The following KCNQ2 variants were observed in gnomAD, a reference collection of about 807,000 sequenced individuals.
The protein encoded by KCNQ2 is potassium voltage-gated channel subfamily KQT member 2.
A neutral mutation model predicts 84.8 loss-of-function variants in KCNQ2; 14 were observed. The ratio of observed to expected loss-of-function variants is 0.17; its 90% CI spans 0.11 to 0.26. The LOEUF is 0.26. KCNQ2 is among the 10% of genes least tolerant of loss of function. KCNQ2 has a pLI of 1.00. For missense variants in KCNQ2, 788 were observed against 1,254.0 expected (o/e 0.63, Z 5.61); for synonymous variants, 599 against 554.1 (o/e 1.08, Z -1.14).
At chr20:63,423,924 A>C in intron 11 of KCNQ2, 61 of 416,614 alleles carry the variant, frequency 1.5e-4, no homozygotes, top group East Asian at 2.5e-4. Flanking sequence ...CCCACCCCCG[A>C]GAAGCCGCCC....
At chr20:63,429,152 C>A (rs867216246) in intron 9 of KCNQ2, among the ~76,000 whole-genome samples, 3 of 151,890 alleles carry the variant, frequency 2.0e-5, no homozygotes, top group Non-Finnish European at 4.4e-5. Context: ...GTGGGACGTC[C>A]CCCTCTTCAC....
chr20:63,410,310 T>G (rs1052426637), intron 15 of KCNQ2, among the ~76,000 whole-genome samples: 2 of 152,146 alleles, frequency 1.3e-5, no homozygotes, highest in African/African-American at 4.8e-5. Context: ...CTGGAGCTGC[T>G]GCTGGGGGCT....
In KCNQ2 at chr20:63,438,891, TCACA is replaced by T. The variant is rs1333515621; in HGVS notation, c.928-175_928-172del. ...CAGGGTCAGACCACGCCCCAGGGACTCACACACCCCCCAGTTCATCAGGGTCAGA... is the reference window on the plus strand; with the variant it reads ...CAGGGTCAGACCACGCCCCAGGGACTCACCCCCCAGTTCATCAGGGTCAGA... On this transcript the variant is annotated intron_variant, in intron 6 of 16. Transcript: ENST00000359125. This position sits in a 1 kb window ranked among gnomAD's most constrained non-coding sequence, Gnocchi z 5.1. Among the ~76,000 whole-genome samples, 2 of 135,846 alleles carry T rather than the reference TCACA, an allele frequency of 1.5e-5. No homozygotes were observed. Among genetic ancestry groups the T allele is most frequent in the African/African-American group, 5.6e-5 (2 of 35,910 alleles). The allele number at this position is 135,846 out of a possible 152,430, so 89.1% of individuals were successfully genotyped here.
chr20:63,455,116 C>T (rs1333321799), intron 1 of KCNQ2, among the ~76,000 whole-genome samples: 8 of 152,036 alleles, frequency 5.3e-5, no homozygotes, highest in East Asian at 3.8e-4. Flanking sequence ...GGGAGGACGG[C>T]GGGAAGACGA....
chr20:63,420,054 G>C (rs1002727694), intron 11 of KCNQ2, among the ~76,000 whole-genome samples: 1 of 152,248 alleles, frequency 6.6e-6, no homozygotes, highest in Admixed American at 6.5e-5. Flanking sequence ...GGGAAAGGGC[G>C]TGGGTGTGAA....
In KCNQ2 at chr20:63,460,261, C is replaced by T. The variant is rs915977182; in HGVS notation, c.296+11907G>A. ...CCTTAGCAGCTTTGGGGAGCAAAGG[C>T]TTCATGAGGTCCCAGGGGAGCTGGG... On this transcript the variant is annotated intron_variant, in intron 1 of 16. Coordinates refer to ENST00000359125, the MANE Select transcript of KCNQ2 (RefSeq NM_172107.4). This position sits in a 1 kb window ranked among gnomAD's most constrained non-coding sequence, Gnocchi z 5.4. Among the ~76,000 whole-genome samples the T allele has an allele frequency of 3.9e-5, 6 of 152,156 alleles. No homozygotes were observed. The highest frequency in any genetic ancestry group is 1.3e-4 in the Admixed American group (2 of 15,272).
chr20:63,462,969 G>C (rs1406291147), intron 1 of KCNQ2, among the ~76,000 whole-genome samples: 1 of 152,154 alleles, frequency 6.6e-6, no homozygotes, highest in Non-Finnish European at 1.5e-5. Flanking sequence ...GGCTGACCCG[G>C]TACGGAGATG....
intron 4 of KCNQ2, 54 bp from the exon 5 acceptor site, chr20:63,442,585 TCACCAC>T (rs1281399238): frequency 6.3e-7 from 1 of 1,580,050 alleles, no homozygotes; most frequent in Admixed American, 1.7e-5. Context: ...AGCATCACCA[TCACCAC>T]CACCAACACC....
At chr20:63,472,110 G>C in intron 1 of KCNQ2, 58 bp downstream of exon 1, 1 of 1,290,476 alleles carries the variant, frequency 7.7e-7, no homozygotes, top group South Asian at 1.6e-5. Context: ...GGTCGCCGAT[G>C]GGGTCGCCGA....
At chr20:63,465,945 G>A (rs1332657287) in intron 1 of KCNQ2, among the ~76,000 whole-genome samples, 3 of 152,178 alleles carry the variant, frequency 2.0e-5, no homozygotes, top group Admixed American at 6.5e-5. Flanking sequence ...CTCTGCTGCC[G>A]TCCCGAGGCG....
At position 63,431,604 on chromosome 20, in the gene KCNQ2, C is replaced by T. The variant is rs61313879; in HGVS notation, c.1119-235G>A. On this transcript the variant is annotated intron_variant, in intron 8 of 16. Coordinates refer to ENST00000359125, the MANE Select transcript of KCNQ2 (RefSeq NM_172107.4). ...ACAAGCAGGGCCAGGCTCCTAAGGTCGGGCTTCCAGGAGGTGCAGGGGGGA... is the reference window on the plus strand; with the variant it reads ...ACAAGCAGGGCCAGGCTCCTAAGGTTGGGCTTCCAGGAGGTGCAGGGGGGA... 0.11 allele frequency among the ~76,000 whole-genome samples: 16,750 copies of T among 151,922 alleles called. 990 individuals are homozygous for T. Among genetic ancestry groups the T allele is most frequent in the Middle Eastern group, 0.18 (54 of 294 alleles).
chr20:63,472,234 A>G lies in KCNQ2; in HGVS notation c.230T>C (p.Leu77Pro). 6.5e-7 allele frequency: 1 copy of G among 1,542,686 alleles called. No individual in the cohort carries two copies. Among genetic ancestry groups the G allele is most frequent in the South Asian group, 1.2e-5 (1 of 82,552 alleles). Residue 77 changes from leucine (L) to proline (P), a missense_variant, in exon 1 of 17, where the codon CTG becomes CCG. Physicochemically the swap from Leu to Pro is moderately conservative, Grantham distance 98. This residue lies in a region of KCNQ2 where 106 missense variants were observed against 214.8 expected (regional missense o/e 0.49). Transcript: ENST00000359125. ...CAGCACGTTGTAGAGGAAATTCTGC[A>G]GCTTGCGGTAGAAGGCGTTGCGCTT... ...PPKRNAFYRK[L>P]QNFLYNVLER...
chr20:63,455,404 G>A lies in KCNQ2; in HGVS notation c.297-8567C>T, dbSNP rs567031478. 1.2e-4 allele frequency among the ~76,000 whole-genome samples: 18 copies of A among 152,250 alleles called. No homozygotes were observed. The South Asian group carries it at 2.9e-3, about 25-fold the overall frequency. The stretch of plus-strand genomic sequence containing the variant: ...AGGGGCAGGGGGACACCTGGACCGC[G>A]GGCGTCGGCTGGGGCTCACCGCACG... On this transcript the variant is annotated intron_variant, in intron 1 of 16. Transcript: ENST00000359125.
Position 63,472,439 on chromosome 20 carries a change from C to T in KCNQ2, c.25G>A (p.Gly9Ser). 6.5e-7 allele frequency: 1 copy of T among 1,533,144 alleles called. No individual in the cohort carries two copies. Among genetic ancestry groups the T allele is most frequent in the Non-Finnish European group, 8.7e-7 (1 of 1,146,578 alleles). The allele number at this position is 1,533,144 out of a possible 1,614,324, so 95.0% of individuals were successfully genotyped here. ...TCCCCGCTCGGGCCGGGGTATACGCCGCCGTTGCGCGACTTCTGCACCATG... is the reference window on the plus strand; with the variant it reads ...TCCCCGCTCGGGCCGGGGTATACGCTGCCGTTGCGCGACTTCTGCACCATG... MVQKSRNGGVYPGPSGEKK... is the reference protein window; with the variant it reads MVQKSRNGSVYPGPSGEKK... Residue 9 changes from glycine to serine, a missense_variant, in exon 1 of 17, where the codon GGC (glycine) becomes AGC (serine). Transcript: ENST00000359125.
intron 5 of KCNQ2, among the ~76,000 whole-genome samples, chr20:63,440,633 G>A (rs544667050): frequency 6.6e-6 from 1 of 152,188 alleles, no homozygotes; most frequent in Non-Finnish European, 1.5e-5. Flanking sequence ...CCGGGAAGGG[G>A]AGACCTCTCA....
At chr20:63,426,239 G>A (rs905762873) in intron 10 of KCNQ2, among the ~76,000 whole-genome samples, 1 of 152,224 alleles carries the variant, frequency 6.6e-6, no homozygotes, top group African/African-American at 2.4e-5. Context: ...GCCACAGGCC[G>A]CAACGCCGTT....
intron 11 of KCNQ2, 167 bp downstream of exon 11, chr20:63,424,010 G>A: frequency 1.4e-6 from 1 of 692,004 alleles, no homozygotes; most frequent in Non-Finnish European, 2.6e-6. Context: ...GTGATTTAAG[G>A]GCCCACATCA....
intron 12 of KCNQ2, 107 bp downstream of exon 12, chr20:63,419,512 G>T: frequency 8.7e-7 from 1 of 1,154,982 alleles, no homozygotes; most frequent in Non-Finnish European, 1.3e-6. Context: ...TCAGAATTGG[G>T]GTTGGGGCGC....
intron 10 of KCNQ2, among the ~76,000 whole-genome samples, chr20:63,426,104 C>T (rs1216984097): frequency 1.3e-5 from 2 of 152,238 alleles, no homozygotes; most frequent in African/African-American, 2.4e-5. Context: ...GGAGCGCCAC[C>T]GGCCTGTTTC....
Sources: allele counts gnomAD v4.1 joint callset (sites outside exome capture counted in the v4.1 genomes callset), GRCh38; gene constraint gnomAD v4.1.1; regional missense constraint gnomAD v4.1.1; non-coding constraint Gnocchi (gnomAD v3.1); transcripts MANE v1.5; gene names NCBI Gene and HGNC (gene_info 2026-07-23, HGNC 2026-07-21).